The following MASP2 variants were observed in gnomAD, a reference collection of about 807,000 sequenced individuals.
MASP2 encodes the protein MBL associated serine protease 2.
Under a neutral mutation model 57.1 loss-of-function variants are expected in MASP2, and 49 were observed. The ratio of observed to expected loss-of-function variants is 0.86; its 90% confidence interval spans 0.68 to 1.09. The LOEUF is 1.09. Ranked by LOEUF, MASP2 falls within the 50% of genes least tolerant of loss-of-function variation. The pLI is 0.00. For synonymous variants in MASP2, 379 were observed against 340.8 expected (o/e 1.11, Z -1.24); for missense variants, 900 against 874.8 (o/e 1.03, Z -0.36).
In MASP2 at chr1:11,030,317, AC is replaced by A. The variant is rs142152804; in HGVS notation, c.1223-68del. 7.8e-3 allele frequency: 8,630 copies of A among 1,103,594 alleles called. 402 individuals carry two copies. In the African/African-American group the frequency reaches 0.11, roughly 14 times the overall value. 68.4% of individuals were successfully genotyped at this position (1,103,594 alleles called of 1,614,324 possible). A position where few individuals can be genotyped will look rare whatever the true frequency, so the allele number is the denominator to read the frequency against. On this transcript the variant is annotated intron_variant, in intron 9 of 10. Coordinates refer to ENST00000400897, the MANE Select transcript of MASP2 (RefSeq NM_006610.4). Reference sequence around the variant, plus strand: ...TAAGATGGTTGTCATTTGCTTGAATACCCCCTTGAAAAATGTTGATTCTTGA... The same window carrying A: ...TAAGATGGTTGTCATTTGCTTGAATACCCCTTGAAAAATGTTGATTCTTGA...
Position 11,027,504 on chromosome 1 carries a change from G to A in MASP2, c.1442C>T (p.Ala481Val). The A allele has an allele frequency of 6.2e-7, 1 of 1,614,168 alleles. No individual in the cohort carries two copies. Among genetic ancestry groups the A allele is most frequent in the Non-Finnish European group, 8.5e-7 (1 of 1,180,042 alleles). Residue 481 changes from alanine (A) to valine (V), a missense_variant, in exon 11 of 11, where the codon GCT becomes GTT. Physicochemically the swap from Ala to Val is moderately conservative, Grantham distance 64. Transcript: ENST00000400897. Reference sequence around the variant, plus strand: ...TTTTTGCTCATAGACGGCATGAGCAGCTGTTAGGACCCAGTTGTCATATAA... The same window carrying A: ...TTTTTGCTCATAGACGGCATGAGCAACTGTTAGGACCCAGTTGTCATATAA... ...ALLYDNWVLT[A>V]AHAVYEQKHD... is the part of the protein sequence containing the mutation.
Position 11,046,921 on chromosome 1 carries a change from G to A in MASP2, c.204C>T (p.Leu68=), listed in dbSNP as rs1188336285. ...CGAAGTCGTACTCGCAGAGGTGGGA[G>A]AGCTCCAGGTCGAAGTGGGTGAAGT... The part of the protein sequence containing the change: ...RLYFTHFDLE[L]SHLCEYDFVK... The change falls in exon 2 of 11, where the codon CTC becomes CTT. Residue 68 remains leucine, a synonymous_variant. Coordinates refer to ENST00000400897, the MANE Select transcript of MASP2 (RefSeq NM_006610.4). 1.9e-6 allele frequency: 3 copies of A among 1,572,314 alleles called. No homozygotes were observed. Among genetic ancestry groups the A allele is most frequent in the East Asian group, 4.7e-5 (2 of 42,840 alleles).
intron 4 of MASP2, chr1:11,045,138 C>T: frequency 1.3e-6 from 1 of 747,136 alleles, no homozygotes; most frequent in South Asian, 1.6e-5. Context: ...TCTCCCGTGG[C>T]TACATGAGGG....
At chr1:11,030,114 T>C in intron 10 of MASP2, 62 bp downstream of exon 10, 1 of 1,225,858 alleles carries the variant, frequency 8.2e-7, no homozygotes, top group Non-Finnish European at 1.2e-6. Flanking sequence ...CTCTCCTCAC[T>C]GTCTCCTACC....
chr1:11,033,922 C>T (rs1002194560), intron 8 of MASP2, among the ~76,000 whole-genome samples: 48 of 116,674 alleles, frequency 4.1e-4, no homozygotes, highest in African/African-American at 1.4e-3. Flanking sequence ...CAGAGTGAGA[C>T]TCCGACACAC....
At chr1:11,036,175 C>T (rs562008127) in intron 7 of MASP2, among the ~76,000 whole-genome samples, 2 of 152,116 alleles carry the variant, frequency 1.3e-5, no homozygotes, top group East Asian at 1.9e-4. Context: ...AACCCTGTGC[C>T]GCAAAGGATT....
chr1:11,029,057 A>G (rs1395172304), intron 10 of MASP2, among the ~76,000 whole-genome samples: 1 of 145,776 alleles, frequency 6.9e-6, no homozygotes, highest in African/African-American at 2.5e-5. Flanking sequence ...CAGTGGCGCA[A>G]TCTTGGCTCA....
At chr1:11,029,615 T>G (rs1363603955) in intron 10 of MASP2, 1 of 145,622 alleles carries the variant, frequency 6.9e-6, no homozygotes, top group Non-Finnish European at 1.5e-5. Flanking sequence ...TATAAGTTGG[T>G]CAAGATAATT....
chr1:11,045,770 T>A (rs948399691), intron 3 of MASP2: 1 of 564,790 alleles, frequency 1.8e-6, no homozygotes, highest in Non-Finnish European at 3.1e-6. Flanking sequence ...CCAGTGGGAG[T>A]TTCAGTGTCC....
intron 10 of MASP2, among the ~76,000 whole-genome samples, chr1:11,029,409 T>A (rs570110740): frequency 5.0e-4 from 76 of 151,146 alleles, no homozygotes; most frequent in Middle Eastern, 3.4e-3. Flanking sequence ...CAAAAAATAA[T>A]AATAATAATT....
At chr1:11,031,991 C>T (rs1012785681) in intron 8 of MASP2, among the ~76,000 whole-genome samples, 1 of 152,148 alleles carries the variant, frequency 6.6e-6, no homozygotes, top group African/African-American at 2.4e-5. Flanking sequence ...TTCTAAAGCT[C>T]ACTGGGCACG....
In MASP2 at chr1:11,045,468, C is replaced by A; in HGVS notation, c.484G>T (p.Gly162Cys). 1 of 1,613,110 alleles carries A rather than the reference C, an allele frequency of 6.2e-7. No individual in the cohort carries two copies. The highest frequency in any genetic ancestry group is 8.5e-7 in the Non-Finnish European group (1 of 1,179,970). ...CDHHCHNHLGGFYCSCRAGYV... is the reference protein window; with the variant it reads ...CDHHCHNHLGCFYCSCRAGYV... ...CCTGCGCGGCAGGAGCAGTAGAAAC[C>A]GCCCAGGTGGTTGTGGCAGTGGTGG... Residue 162 changes from glycine to cysteine, a missense_variant, in exon 4 of 11, where the codon GGT (glycine) becomes TGT (cysteine). Physicochemically the swap from Gly to Cys is radical, Grantham distance 159 (BLOSUM62 -3). Transcript: ENST00000400897.
intron 3 of MASP2, 90 bp from the exon 4 acceptor site, chr1:11,045,629 G>T: frequency 7.0e-7 from 1 of 1,429,394 alleles, no homozygotes; most frequent in Non-Finnish European, 9.4e-7. Flanking sequence ...TGACCTCAGA[G>T]TGGACCTCAG....
chr1:11,043,251 G>T, intron 5 of MASP2, 88 bp downstream of exon 5: 2 of 1,228,394 alleles, frequency 1.6e-6, no homozygotes, highest in Non-Finnish European at 2.3e-6. Context: ...TGACGGGAAC[G>T]TGGTGGGGGC....
intron 10 of MASP2, among the ~76,000 whole-genome samples, chr1:11,028,943 G>C (rs1352747200): frequency 6.7e-6 from 1 of 149,512 alleles, no homozygotes; most frequent in African/African-American, 2.5e-5. Context: ...TTGATCTCCT[G>C]ACCTCACGAT....
chr1:11,032,337 C>G (rs1326253677), intron 8 of MASP2, among the ~76,000 whole-genome samples: 1 of 152,026 alleles, frequency 6.6e-6, no homozygotes, highest in Non-Finnish European at 1.5e-5. Context: ...TTAGGCCGGG[C>G]CTGGTGGCTC....
chr1:11,039,120 TA>T (rs1638336213), intron 6 of MASP2, among the ~76,000 whole-genome samples: 2 of 152,208 alleles, frequency 1.3e-5, no homozygotes, highest in African/African-American at 2.4e-5. Flanking sequence ...GATAGCTTCC[TA>T]GCTCCTAGCC....
At chr1:11,045,076 G>A in intron 4 of MASP2, 3 of 935,330 alleles carry the variant, frequency 3.2e-6, no homozygotes, top group Non-Finnish European at 3.4e-6. Flanking sequence ...GTCCCACAGT[G>A]CAGGGAACCA....
At chr1:11,037,112 G>A (rs1482798861) in intron 7 of MASP2, among the ~76,000 whole-genome samples, 1 of 152,102 alleles carries the variant, frequency 6.6e-6, no homozygotes, top group Non-Finnish European at 1.5e-5. Flanking sequence ...GAGTGCAGTG[G>A]TGTGATTTCG....
Sources: gnomAD v4.1 joint callset for allele counts (sites outside exome capture counted in the v4.1 genomes callset) on GRCh38, gnomAD v4.1.1 for gene constraint, MANE v1.5 for transcripts, NCBI Gene and HGNC (gene_info 2026-07-23, HGNC 2026-07-21) for gene names.